AGAP3: variants seen among roughly 807,000 people sequenced by gnomAD.
The protein encoded by AGAP3 is arf-GAP with GTPase, ANK repeat and PH domain-containing protein 3.
A neutral mutation model predicts 96.9 loss-of-function variants in AGAP3; 24 were observed. That is an observed-to-expected ratio of 0.25 (90% confidence interval 0.18 to 0.35). AGAP3 has a LOEUF of 0.35. Among genes scored for constraint, AGAP3 ranks in the 10% least tolerant of loss-of-function variants. The pLI is 1.00. For synonymous variants in AGAP3, 563 were observed against 536.1 expected (o/e 1.05, Z -0.69); for missense variants, 876 against 1,254.2 (o/e 0.70, Z 4.55).
chr7:151,094,289 T>C (rs1681361924), intron 1 of AGAP3, among the ~76,000 whole-genome samples: 2 of 152,172 alleles, frequency 1.3e-5, no homozygotes, highest in South Asian at 4.1e-4. Flanking sequence ...CCTTGTACGC[T>C]TGTCTCGTTA....
intron 10 of AGAP3, among the ~76,000 whole-genome samples, chr7:151,129,201 C>A (rs1800303979): frequency 6.6e-6 from 1 of 152,012 alleles, no homozygotes; most frequent in Admixed American, 6.5e-5. Flanking sequence ...TGTGCAGCTC[C>A]CCCACCCTTC....
At position 151,118,555 on chromosome 7, in the gene AGAP3, C is replaced by A. The variant is rs747354868; in HGVS notation, c.892C>A (p.Pro298Thr). ...LRKKQQLAIG[P>T]CKSLPNSPSH... ...AAAGAAGCAGCAACTGGCCATCGGG[C>A]CCTGCAAGTCACTGCCCAACTCGCC... is the stretch of plus-strand genomic sequence containing the variant. Residue 298 changes from proline (P) to threonine (T), a missense_variant, in exon 7 of 18, where the codon CCC (proline) becomes ACC (threonine). Physicochemically the swap from Pro to Thr is conservative, Grantham distance 38. Around this residue, in one of 8 missense-constraint regions of AGAP3, gnomAD observed 100 missense variants for 129.4 expected, o/e 0.77. Coordinates refer to ENST00000397238, the MANE Select transcript of AGAP3 (RefSeq NM_031946.7). The surrounding 1 kb of genome is among the most constrained non-coding windows in gnomAD (Gnocchi z 6.1). The A allele has an allele frequency of 2.1e-5, 34 of 1,614,044 alleles. No homozygotes were observed. The Middle Eastern group carries it at 4.9e-4, about 23-fold the overall frequency.
intron 1 of AGAP3, among the ~76,000 whole-genome samples, chr7:151,101,587 GC>G (rs1410829224): frequency 1.3e-5 from 2 of 152,188 alleles, no homozygotes; most frequent in Non-Finnish European, 2.9e-5. Flanking sequence ...CGTGAGCAAA[GC>G]CCCAGAGTGT....
At chr7:151,089,213 G>T (rs1040798544) in intron 1 of AGAP3, among the ~76,000 whole-genome samples, 2 of 152,132 alleles carry the variant, frequency 1.3e-5, no homozygotes, top group Non-Finnish European at 1.5e-5. Context: ...TCCTTCCTGC[G>T]ATAGAACTCC....
chr7:151,117,256 G>T, intron 3 of AGAP3, 74 bp downstream of exon 3: 1 of 1,587,900 alleles, frequency 6.3e-7, no homozygotes, highest in Non-Finnish European at 8.6e-7. Context: ...GTCTGGGTGG[G>T]GGGTCTCCAG....
chr7:151,138,926 G>T (rs188524440), intron 12 of AGAP3, among the ~76,000 whole-genome samples: 1 of 152,214 alleles, frequency 6.6e-6, no homozygotes, highest in African/African-American at 2.4e-5. Flanking sequence ...CGCCTCTCCC[G>T]TCTGCCCCTT....
chr7:151,117,943 G>T, intron 5 of AGAP3, 166 bp downstream of exon 5: 2 of 1,071,954 alleles, frequency 1.9e-6, no homozygotes, highest in Non-Finnish European at 2.6e-6. Flanking sequence ...GAGGGCTTTT[G>T]CCCCCACTGA....
chr7:151,118,178 C>A lies in AGAP3; in HGVS notation c.707-32C>A. The A allele has an allele frequency of 6.3e-7, 1 of 1,583,788 alleles. No homozygotes were observed. The highest frequency in any genetic ancestry group is 8.6e-7 in the Non-Finnish European group (1 of 1,159,940). ...CACACTACCCCAGCTTCTCCGAAAG[C>A]TGAATGACTCCCGCCCTCCCACCTC... On this transcript the variant is annotated intron_variant, in intron 5 of 17. Coordinates refer to ENST00000397238, the MANE Select transcript of AGAP3 (RefSeq NM_031946.7). The surrounding 1 kb of genome is among the most constrained non-coding windows in gnomAD (Gnocchi z 6.1).
chr7:151,140,140 C>A lies in AGAP3; in HGVS notation c.1804+24C>A. On this transcript the variant is annotated intron_variant, in intron 13 of 17. Transcript: ENST00000397238. This position sits in a 1 kb window ranked among gnomAD's most constrained non-coding sequence, Gnocchi z 5.4. ...AGGTTAGGGGGACCCAGAGGGAAAC[C>A]GGGCACAGGAGGTGGGCAGTGGGAC... is the stretch of plus-strand genomic sequence containing the variant. 1 of 1,551,290 alleles carries A rather than the reference C, an allele frequency of 6.4e-7. No individual in the cohort carries two copies. Among genetic ancestry groups the A allele is most frequent in the Non-Finnish European group, 8.7e-7 (1 of 1,150,414 alleles).
intron 1 of AGAP3, among the ~76,000 whole-genome samples, chr7:151,107,476 C>T (rs1799104511): frequency 6.6e-6 from 1 of 151,680 alleles, no homozygotes; most frequent in Non-Finnish European, 1.5e-5. Context: ...AAATACTAAA[C>T]CTAGCTGGGC....
chr7:151,115,982 C>A (rs1464749289), intron 1 of AGAP3, among the ~76,000 whole-genome samples: 6 of 152,162 alleles, frequency 3.9e-5, no homozygotes, highest in African/African-American at 1.4e-4. Flanking sequence ...TGGACCTGGT[C>A]GTCATAACTG....
intron 8 of AGAP3, among the ~76,000 whole-genome samples, chr7:151,122,254 C>T (rs988635878): frequency 6.6e-6 from 1 of 152,242 alleles, no homozygotes; most frequent in East Asian, 1.9e-4. Context: ...GGGGATGGGG[C>T]GGTGCCGCCT....
At chr7:151,113,760 TGCA>T (rs1799404369) in intron 1 of AGAP3, among the ~76,000 whole-genome samples, 1 of 152,206 alleles carries the variant, frequency 6.6e-6, no homozygotes. Flanking sequence ...ATGTTTACAA[TGCA>T]GTGTCAATCA....
chr7:151,132,950 G>A (rs552356697), intron 10 of AGAP3, among the ~76,000 whole-genome samples: 1 of 152,340 alleles, frequency 6.6e-6, no homozygotes, highest in South Asian at 2.1e-4. Context: ...AGCTAACGGG[G>A]TGAGAAGATA....
At chr7:151,126,472 C>G (rs1283998521) in intron 9 of AGAP3, among the ~76,000 whole-genome samples, 2 of 129,882 alleles carry the variant, frequency 1.5e-5, no homozygotes, top group Admixed American at 7.7e-5. Context: ...GAGGGAAGCA[C>G]GCCTAGTGGG....
At chr7:151,134,671 T>C in intron 11 of AGAP3, 103 bp downstream of exon 11, 1 of 1,216,886 alleles carries the variant, frequency 8.2e-7, no homozygotes, top group Non-Finnish European at 1.1e-6. Context: ...CACAGGGTGC[T>C]GGCCAGCATC....
At chr7:151,094,417 T>C (rs998527557) in intron 1 of AGAP3, among the ~76,000 whole-genome samples, 2 of 151,300 alleles carry the variant, frequency 1.3e-5, no homozygotes, top group African/African-American at 4.9e-5. Context: ...TTTTCAGGCA[T>C]AGAGACAGCC....
Position 151,117,359 on chromosome 7 carries a change from GC to G in AGAP3, c.479-11del. ...CTCCACACTTTGGACCTGACTGCGC[GC>G]TCTGTCCTAGGGGGGCGGTTTAAGA... On this transcript the variant is annotated splice_polypyrimidine_tract_variant and intron_variant, in intron 3 of 17. Transcript: ENST00000397238. 6.2e-7 allele frequency: 1 copy of G among 1,614,076 alleles called. No homozygotes were observed. Among genetic ancestry groups the G allele is most frequent in the Non-Finnish European group, 8.5e-7 (1 of 1,179,926 alleles).
intron 9 of AGAP3, among the ~76,000 whole-genome samples, chr7:151,125,140 C>T (rs1041226027): frequency 1.3e-5 from 2 of 152,208 alleles, no homozygotes; most frequent in Non-Finnish European, 2.9e-5. Flanking sequence ...TGCTAGGTGA[C>T]GCCCTCTGCT....
Sources: allele counts gnomAD v4.1 joint callset (sites outside exome capture counted in the v4.1 genomes callset), GRCh38; gene constraint gnomAD v4.1.1; regional missense constraint gnomAD v4.1.1; non-coding constraint Gnocchi (gnomAD v3.1); transcripts MANE v1.5; gene names NCBI Gene and HGNC (gene_info 2026-07-23, HGNC 2026-07-21).